The following AMPH variants were observed in gnomAD, a reference collection of about 807,000 sequenced individuals.
The protein encoded by AMPH is amphiphysin (Stiff-Mann syndrome with breast cancer 128kD autoantigen).
In AMPH, 49 loss-of-function variants were observed where a neutral mutation model predicts 99.1. The observed-to-expected ratio is 0.49, with a 90% CI of 0.39 to 0.63. The LOEUF is 0.63. Among genes scored for constraint, AMPH ranks in the 20% least tolerant of loss-of-function variants. The pLI, the probability that AMPH is intolerant of heterozygous loss-of-function variation, is 0.00. For synonymous variants in AMPH, 314 were observed against 317.3 expected (o/e 0.99, Z 0.11); for missense variants, 759 against 863.4 (o/e 0.88, Z 1.52).
intron 1 of AMPH, among the ~76,000 whole-genome samples, chr7:38,589,623 G>A (rs767665354): frequency 7.9e-5 from 12 of 152,156 alleles, no homozygotes; most frequent in Non-Finnish European, 1.3e-4. Context: ...GTAGAATACT[G>A]TTTCTGCCCA....
chr7:38,437,155 C>T (rs1393763233), intron 11 of AMPH, among the ~76,000 whole-genome samples: 1 of 152,098 alleles, frequency 6.6e-6, no homozygotes, highest in Non-Finnish European at 1.5e-5. Context: ...ATCATTTGTT[C>T]ATTTATTTGT....
intron 1 of AMPH, among the ~76,000 whole-genome samples, chr7:38,614,523 T>A (rs1331669369): frequency 6.6e-6 from 1 of 152,180 alleles, no homozygotes; most frequent in Non-Finnish European, 1.5e-5. Context: ...TTTGGAGAAA[T>A]CGGCCCTTTG....
intron 2 of AMPH, among the ~76,000 whole-genome samples, chr7:38,522,092 A>G (rs964324959): frequency 3.9e-5 from 6 of 152,152 alleles, no homozygotes; most frequent in African/African-American, 1.4e-4. Context: ...GAAAAAAGAG[A>G]CCTCAAGCAA....
intron 19 of AMPH, among the ~76,000 whole-genome samples, chr7:38,390,988 A>T: frequency 1.7e-5 from 1 of 58,868 alleles, no homozygotes; most frequent in African/African-American, 8.3e-5. Flanking sequence ...AGAGAGAGAG[A>T]GAGAGAGAGA....
At chr7:38,560,105 G>A (rs1791504017) in intron 1 of AMPH, among the ~76,000 whole-genome samples, 1 of 152,218 alleles carries the variant, frequency 6.6e-6, no homozygotes, top group Non-Finnish European at 1.5e-5. Flanking sequence ...CCCATGAAGA[G>A]GTGAAGGCTA....
At chr7:38,583,355 A>C (rs771721162) in intron 1 of AMPH, among the ~76,000 whole-genome samples, 5 of 152,188 alleles carry the variant, frequency 3.3e-5, no homozygotes, top group Non-Finnish European at 5.9e-5. Flanking sequence ...TATACAAAGA[A>C]CCTAATAGAA....
Position 38,391,982 on chromosome 7 carries a change from G to A in AMPH, c.1644C>T (p.Ala548=), listed in dbSNP as rs766340009. ...TTTCTCCTTCCTCTTCATGGTTGGA[G>A]GCAGGCTCTATGACCACCGAAGGAA... is the stretch of plus-strand genomic sequence containing the variant. The part of the protein sequence containing the change: ...KVIPSVVIEP[A]SNHEEEGENE... The change falls in exon 19 of 21, where the codon GCC becomes GCT. Residue 548 remains alanine, a synonymous_variant. Transcript: ENST00000356264. 2 of 1,608,882 alleles carry A rather than the reference G, an allele frequency of 1.2e-6. No individual in the cohort carries two copies. Among genetic ancestry groups the A allele is most frequent in the Admixed American group, 1.7e-5 (1 of 60,002 alleles).
chr7:38,614,148 C>T (rs552016911), intron 1 of AMPH, among the ~76,000 whole-genome samples: 1 of 152,308 alleles, frequency 6.6e-6, no homozygotes, highest in South Asian at 2.1e-4. Context: ...CCACATGACA[C>T]ATCTAGCCAC....
chr7:38,504,932 C>T (rs961028785), intron 2 of AMPH, among the ~76,000 whole-genome samples: 2 of 152,180 alleles, frequency 1.3e-5, no homozygotes, highest in Admixed American at 6.5e-5. Flanking sequence ...TACAGGACTC[C>T]ACCTTGAGCT....
chr7:38,436,823 G>A (rs1282824888), intron 11 of AMPH, among the ~76,000 whole-genome samples: 1 of 152,206 alleles, frequency 6.6e-6, no homozygotes, highest in Non-Finnish European at 1.5e-5. Context: ...CTTCTGGGAA[G>A]CTAAAATTTT....
At chr7:38,587,914 CTGTGTGTGTGTGTG>C (rs200023803) in intron 1 of AMPH, among the ~76,000 whole-genome samples, 5 of 126,196 alleles carry the variant, frequency 4.0e-5, no homozygotes, top group South Asian at 2.4e-4. Context: ...TTATTAATTA[CTGTGTGTGTGTGTG>C]TGTGTGTGTG....
chr7:38,580,417 G>C (rs150686647), intron 1 of AMPH, among the ~76,000 whole-genome samples: 1 of 152,232 alleles, frequency 6.6e-6, no homozygotes, highest in Non-Finnish European at 1.5e-5. Flanking sequence ...TCCCAGATTA[G>C]TTTCTCTTGA....
chr7:38,487,742 C>G (rs1332913954), intron 5 of AMPH, among the ~76,000 whole-genome samples: 1 of 152,028 alleles, frequency 6.6e-6, no homozygotes, highest in Non-Finnish European at 1.5e-5. Context: ...AGACAACCTA[C>G]AGAATAGGAG....
intron 1 of AMPH, among the ~76,000 whole-genome samples, chr7:38,538,770 A>G (rs80348119): frequency 0.083 from 12,645 of 152,292 alleles, 717 homozygotes; most frequent in Middle Eastern, 0.19. Flanking sequence ...GAAGGACAGA[A>G]CAGAGTGAAG....
intron 13 of AMPH, 169 bp from the exon 14 acceptor site, chr7:38,430,034 T>G: frequency 3.3e-6 from 2 of 599,712 alleles, no homozygotes; most frequent in Non-Finnish European, 2.8e-6. Context: ...TGTTCCAAAA[T>G]TGTTTAAGAC....
intron 9 of AMPH, chr7:38,463,994 G>C: frequency 8.4e-7 from 1 of 1,186,246 alleles, no homozygotes; most frequent in Non-Finnish European, 1.1e-6. Flanking sequence ...ACACAGACAT[G>C]CCACATGATT....
intron 17 of AMPH, among the ~76,000 whole-genome samples, chr7:38,414,069 C>G (rs1171220760): frequency 6.6e-6 from 1 of 152,216 alleles, no homozygotes; most frequent in African/African-American, 2.4e-5. Flanking sequence ...CAGAGCCTGA[C>G]ACCTACAGAG....
intron 1 of AMPH, among the ~76,000 whole-genome samples, chr7:38,590,319 A>G (rs937461602): frequency 2.0e-5 from 3 of 152,186 alleles, no homozygotes; most frequent in African/African-American, 7.2e-5. Flanking sequence ...GCCTCGCTGG[A>G]TCAGGAGCAC....
chr7:38,479,258 C>T (rs1228098869), intron 5 of AMPH, among the ~76,000 whole-genome samples: 1 of 151,802 alleles, frequency 6.6e-6, no homozygotes, highest in Admixed American at 6.6e-5. Context: ...ACCATGCAAA[C>T]CAGAACACAT....
Sources: allele counts gnomAD v4.1 joint callset (sites outside exome capture counted in the v4.1 genomes callset), GRCh38; gene constraint gnomAD v4.1.1; transcripts MANE v1.5; gene names NCBI Gene and HGNC (gene_info 2026-07-23, HGNC 2026-07-21).